Variants in NF1 observed in about 807,000 individuals in gnomAD.
The protein encoded by NF1 is neurofibromin 1.
NF1 carries 122 observed loss-of-function variants against 325.7 expected under a neutral mutation model. That is an observed-to-expected ratio of 0.37 (90% CI 0.32 to 0.44). The LOEUF (loss-of-function observed/expected upper bound fraction) is 0.44, where lower values mean the gene tolerates loss of function less well. Ranked by LOEUF, NF1 falls within the 20% of genes least tolerant of loss-of-function variation. The pLI is 1.00. For synonymous variants in NF1, 1,091 were observed against 1,186.0 expected, an observed-to-expected ratio of 0.92 and a Z score of 1.65; for missense variants, 2,140 against 3,415.4, an observed-to-expected ratio of 0.63 and a Z score of 9.31.
intron 12 of NF1, among the ~76,000 whole-genome samples, chr17:31,207,333 A>G (rs1019143643): frequency 6.6e-6 from 1 of 152,084 alleles, no homozygotes; most frequent in African/African-American, 2.4e-5. Flanking sequence ...TTTATCTAGT[A>G]AGTTAGTCAT....
At chr17:31,255,761 A>G (rs533031002) in intron 31 of NF1, among the ~76,000 whole-genome samples, 17 of 152,332 alleles carry the variant, frequency 1.1e-4, no homozygotes, top group African/African-American at 4.1e-4. Flanking sequence ...TCTTTGTCCT[A>G]GAGAAAACCG....
chr17:31,163,405 T>C (rs2143674861), intron 4 of NF1, 29 bp downstream of exon 4: 1 of 1,591,340 alleles, frequency 6.3e-7, no homozygotes. Flanking sequence ...ATGGGACTAC[T>C]GAAGTAATAT....
chr17:31,319,226 T>A (rs1174263311), intron 36 of NF1, among the ~76,000 whole-genome samples: 1 of 152,206 alleles, frequency 6.6e-6, no homozygotes, highest in Admixed American at 6.5e-5. Context: ...CTATTAACAC[T>A]TTTAGATGCT....
chr17:31,303,264 A>C (rs2068617041), intron 36 of NF1, among the ~76,000 whole-genome samples: 1 of 152,194 alleles, frequency 6.6e-6, no homozygotes, highest in African/African-American at 2.4e-5. Flanking sequence ...GCACTTCTGC[A>C]GACAAAGGCT....
intron 1 of NF1, among the ~76,000 whole-genome samples, chr17:31,114,162 CT>C (rs1487147622): frequency 6.6e-6 from 1 of 152,176 alleles, no homozygotes; most frequent in African/African-American, 2.4e-5. Context: ...GTAGACCTTG[CT>C]TCTGTAACTG....
chr17:31,175,649 T>C (rs1313545589), intron 5 of NF1, among the ~76,000 whole-genome samples: 1 of 152,128 alleles, frequency 6.6e-6, no homozygotes, highest in Admixed American at 6.5e-5. Context: ...CTACCTTAGG[T>C]ATTTTTCCTA....
chr17:31,367,128 GAAC>G, intron 57 of NF1: 4 of 600,942 alleles, frequency 6.7e-6, no homozygotes, highest in Non-Finnish European at 1.0e-5. Context: ...GAAAACCAAG[GAAC>G]ATTATAATTA....
intron 36 of NF1, among the ~76,000 whole-genome samples, chr17:31,298,011 G>T (rs1766967264): frequency 6.6e-6 from 1 of 151,908 alleles, no homozygotes; most frequent in Admixed American, 6.6e-5. Flanking sequence ...TTTTCTTTAT[G>T]CAACCTTGGG....
intron 39 of NF1, among the ~76,000 whole-genome samples, chr17:31,332,546 G>C (rs1030124705): frequency 6.6e-6 from 1 of 151,184 alleles, no homozygotes; most frequent in Non-Finnish European, 1.5e-5. Flanking sequence ...TTAATAAAAA[G>C]TGGATTAACA....
chr17:31,256,415 A>T (rs2067584524), intron 31 of NF1, among the ~76,000 whole-genome samples: 1 of 152,262 alleles, frequency 6.6e-6, no homozygotes, highest in Admixed American at 6.5e-5. Context: ...CTGGGATTAC[A>T]GGCATGAGCC....
At chr17:31,232,325 G>A (rs2067127029) in intron 25 of NF1, 136 bp downstream of exon 25, 8 of 670,036 alleles carry the variant, frequency 1.2e-5, no homozygotes, top group African/African-American at 3.7e-5. Context: ...TTTAAAGAAA[G>A]TAATATGATC....
intron 11 of NF1, among the ~76,000 whole-genome samples, chr17:31,203,172 C>T (rs756700766): frequency 9.9e-5 from 15 of 152,132 alleles, no homozygotes; most frequent in Admixed American, 6.6e-5. Context: ...CCAAGCATGC[C>T]TGGAGTGGTG....
intron 36 of NF1, chr17:31,308,014 G>T: frequency 1.1e-6 from 1 of 913,906 alleles, no homozygotes; most frequent in Non-Finnish European, 1.5e-6. Flanking sequence ...AATAATTCAA[G>T]CCTGAATTTT....
chr17:31,157,118 C>T (rs1367081670), intron 2 of NF1, among the ~76,000 whole-genome samples: 5 of 152,148 alleles, frequency 3.3e-5, no homozygotes, highest in Admixed American at 1.3e-4. Flanking sequence ...TCCCCAGTAG[C>T]TGGAATTACA....
intron 35 of NF1, among the ~76,000 whole-genome samples, chr17:31,263,877 A>T (rs1454200991): frequency 6.6e-6 from 1 of 152,150 alleles, no homozygotes; most frequent in African/African-American, 2.4e-5. Flanking sequence ...AAAATTGTTT[A>T]TCCTCCCTCT....
chr17:31,119,413 C>G lies in NF1; in HGVS notation c.60+24044C>G, dbSNP rs1280382556. 2.7e-5 allele frequency among the ~76,000 whole-genome samples: 4 copies of G among 149,340 alleles called. No individual in the cohort carries two copies. In the South Asian group the frequency reaches 8.4e-4, roughly 31 times the overall value. On this transcript the variant is annotated intron_variant, in intron 1 of 57. Coordinates refer to ENST00000358273, the MANE Select transcript of NF1 (RefSeq NM_001042492.3). Reference sequence around the variant, plus strand: ...CTGTGTTTTTTGGCTGCATAAATATCTTCTTTTGAGAAGTGTCTGTTTATA... The same window carrying G: ...CTGTGTTTTTTGGCTGCATAAATATGTTCTTTTGAGAAGTGTCTGTTTATA...
At chr17:31,296,504 A>G (rs1390843128) in intron 36 of NF1, 1 of 673,594 alleles carries the variant, frequency 1.5e-6, no homozygotes, top group African/African-American at 1.8e-5. Flanking sequence ...TTTATAGTCC[A>G]AATGCTTAAT....
intron 1 of NF1, among the ~76,000 whole-genome samples, chr17:31,101,505 A>G (rs1009368483): frequency 1.3e-5 from 2 of 152,150 alleles, no homozygotes; most frequent in African/African-American, 4.8e-5. Context: ...GTCTATTGGG[A>G]GCTGACCCCA....
chr17:31,180,152 G>GAGGA (rs1436166142), intron 5 of NF1, among the ~76,000 whole-genome samples: 1 of 152,152 alleles, frequency 6.6e-6, no homozygotes, highest in Non-Finnish European at 1.5e-5. Context: ...TGGATTCACA[G>GAGGA]CCAGATTCAG....
Sources: gnomAD v4.1 joint callset for allele counts (sites outside exome capture counted in the v4.1 genomes callset) on GRCh38, gnomAD v4.1.1 for gene constraint, MANE v1.5 for transcripts, NCBI Gene and HGNC (gene_info 2026-07-23, HGNC 2026-07-21) for gene names.